LGALS9: variants seen among roughly 807,000 people sequenced by gnomAD.
LGALS9 encodes galectin 9.
LGALS9 carries 26 observed loss-of-function variants against 35.9 expected under a neutral mutation model. The ratio of observed to expected loss-of-function variants is 0.72; its 90% CI spans 0.53 to 1.01. The LOEUF (loss-of-function observed/expected upper bound fraction) is 1.01. Ranked by LOEUF, LGALS9 falls within the 50% of genes least tolerant of loss-of-function variation. LGALS9 has a pLI of 0.00. For synonymous variants in LGALS9, 149 were observed against 172.2 expected (o/e 0.87, Z 1.06); for missense variants, 347 against 445.8 (o/e 0.78, Z 1.99).
At chr17:27,647,485 AGG>A (rs1905040981) in intron 10 of LGALS9, 53 bp downstream of exon 10, 1 of 1,604,052 alleles carries the variant, frequency 6.2e-7, no homozygotes, top group Admixed American at 1.7e-5. Flanking sequence ...GCACAGGGGG[AGG>A]GGGTAAAGGA....
rs1028140472 is a variant in LGALS9 at position 27,647,409 on chromosome 17, T to G, written c.898T>G (p.Phe300Val). The change falls in exon 10 of 11, where the codon TTC (phenylalanine) becomes GTC (valine). Residue 300 changes from phenylalanine to valine, a missense_variant. By Grantham distance (50) the Phe-to-Val change is conservative (BLOSUM62 -1). Coordinates refer to ENST00000395473, the MANE Select transcript of LGALS9 (RefSeq NM_009587.3). ...EERSLPRKMP[F>V]VRGQSFSVWI... The stretch of plus-strand genomic sequence containing the variant: ...GCGAAGTCTGCCCCGAAAAATGCCC[T>G]TCGTCCGTGGCCAGAGCTTCTCAGT... The G allele has an allele frequency of 6.2e-7, 1 of 1,613,980 alleles. No individual in the cohort carries two copies. The highest frequency in any genetic ancestry group is 8.5e-7 in the Non-Finnish European group (1 of 1,180,038).
At chr17:27,641,278 A>G (rs1202211315) in intron 3 of LGALS9, among the ~76,000 whole-genome samples, 1 of 152,184 alleles carries the variant, frequency 6.6e-6, no homozygotes, top group African/African-American at 2.4e-5. Flanking sequence ...CCATTCGTTC[A>G]GTATGCAACC....
At chr17:27,645,079 C>G (rs1239335333) in intron 5 of LGALS9, 1 of 702,896 alleles carries the variant, frequency 1.4e-6, no homozygotes, top group Non-Finnish European at 2.4e-6. Flanking sequence ...AGTCTCCTCT[C>G]TCTCGAGAGG....
intron 1 of LGALS9, among the ~76,000 whole-genome samples, chr17:27,632,878 G>A (rs983461404): frequency 5.3e-5 from 8 of 152,198 alleles, no homozygotes; most frequent in African/African-American, 1.2e-4. Flanking sequence ...TCTGGCAGTC[G>A]GAGCCACGCT....
In LGALS9 at chr17:27,649,080, G is replaced by C; in HGVS notation, c.*98G>C. The C allele has an allele frequency of 1.9e-6, 3 of 1,572,052 alleles. No individual in the cohort carries two copies. In the South Asian group the frequency reaches 3.5e-5, roughly 18 times the overall value. On this transcript the variant is annotated 3_prime_UTR_variant, in exon 11 of 11. Transcript: ENST00000395473. ...AGGCCCAGCCTTTCCAACCCTGCCTGGGATCTGGGCTTTAATGCAGAGGCC... is the reference window on the plus strand; with the variant it reads ...AGGCCCAGCCTTTCCAACCCTGCCTCGGATCTGGGCTTTAATGCAGAGGCC...
chr17:27,649,374 C>T lies in LGALS9; in HGVS notation c.*392C>T. ...CTGGTGGGAGGTGGCCTCCTCAGCC[C>T]CTCCTCTCTGACCTTTAACCTCACT... is the stretch of plus-strand genomic sequence containing the variant. On this transcript the variant is annotated 3_prime_UTR_variant, in exon 11 of 11. Transcript: ENST00000395473. 3.0e-6 allele frequency: 1 copy of T among 333,122 alleles called. No homozygotes were observed. The highest frequency in any genetic ancestry group is 5.8e-6 in the Non-Finnish European group (1 of 171,104). 20.6% of individuals were successfully genotyped at this position (333,122 alleles called of 1,614,324 possible).
intron 4 of LGALS9, among the ~76,000 whole-genome samples, chr17:27,642,714 C>A (rs1904613241): frequency 1.3e-5 from 2 of 152,096 alleles, no homozygotes; most frequent in African/African-American, 4.8e-5. Flanking sequence ...TCTGTGGGAT[C>A]TTAGACAAGC....
At chr17:27,645,027 G>A (rs1371052110) in intron 5 of LGALS9, 13 of 508,868 alleles carry the variant, frequency 2.6e-5, no homozygotes, top group South Asian at 1.7e-4. Context: ...AATGCTCTTC[G>A]CTGTGGGAGC....
intron 4 of LGALS9, 101 bp downstream of exon 4, chr17:27,642,449 C>T: frequency 6.5e-7 from 1 of 1,535,254 alleles, no homozygotes; most frequent in Non-Finnish European, 8.8e-7. Flanking sequence ...ATCTCCTACC[C>T]AGGTCACTCT....
intron 2 of LGALS9, among the ~76,000 whole-genome samples, chr17:27,640,192 C>T (rs1421899728): frequency 1.3e-5 from 2 of 152,216 alleles, no homozygotes; most frequent in African/African-American, 4.8e-5. Flanking sequence ...TTTAATCAGG[C>T]ATGTGCTGGC....
rs770727270 is a variant in LGALS9, at chr17:27,640,653, C to G, written c.213C>G (p.Tyr71Ter). ...HFNPRFEDGG[Y>*]VVCNTRQNGS... Reference sequence around the variant, plus strand: ...ACCCTCGGTTTGAAGATGGAGGGTACGTGGTGTGCAACACGAGGCAGAACG... The same window carrying G: ...ACCCTCGGTTTGAAGATGGAGGGTAGGTGGTGTGCAACACGAGGCAGAACG... Residue 71 changes from tyrosine (Y) to a stop codon, truncating the protein, a stop_gained, in exon 3 of 11, where the codon TAC becomes TAG. Transcript: ENST00000395473. LOFTEE classifies it high-confidence loss of function. The G allele has an allele frequency of 8.1e-6, 13 of 1,614,060 alleles. No homozygotes were observed. The African/African-American group carries it at 1.5e-4, about 18-fold the overall frequency.
At chr17:27,635,396 A>G (rs2151289429) in intron 1 of LGALS9, among the ~76,000 whole-genome samples, 1 of 152,006 alleles carries the variant, frequency 6.6e-6, no homozygotes, top group African/African-American at 2.4e-5. Context: ...CCATGATCAC[A>G]GCCCTCACTG....
At chr17:27,637,688 A>G (rs1260436915) in intron 1 of LGALS9, among the ~76,000 whole-genome samples, 3 of 152,228 alleles carry the variant, frequency 2.0e-5, no homozygotes, top group Non-Finnish European at 4.4e-5. Flanking sequence ...CAGGAGGGCA[A>G]AGGTCACAGT....
At position 27,649,009 on chromosome 17, in the gene LGALS9, G is replaced by A. The variant is rs370734750; in HGVS notation, c.*27G>A. ...CGGCTTCCTGGCCCTGGGGCCGGGGGCTGGGGTGTGGGGCAGTCTGGGTCC... is the reference window on the plus strand; with the variant it reads ...CGGCTTCCTGGCCCTGGGGCCGGGGACTGGGGTGTGGGGCAGTCTGGGTCC... On this transcript the variant is annotated 3_prime_UTR_variant, in exon 11 of 11. Transcript: ENST00000395473. 6 of 1,613,596 alleles carry A rather than the reference G, an allele frequency of 3.7e-6. No homozygotes were observed. In the African/African-American group the frequency reaches 6.7e-5, roughly 18 times the overall value.
intron 1 of LGALS9, among the ~76,000 whole-genome samples, chr17:27,632,174 C>T (rs1047513844): frequency 4.0e-5 from 6 of 150,728 alleles, no homozygotes; most frequent in East Asian, 4.0e-4. Flanking sequence ...TGTCCTGGGC[C>T]GGCTCCTGTC....
chr17:27,646,133 T>C (rs1017127742), intron 7 of LGALS9, among the ~76,000 whole-genome samples: 49 of 152,062 alleles, frequency 3.2e-4, no homozygotes, highest in Admixed American at 8.5e-4. Context: ...AAGAGACAAG[T>C]CCCCTAGAGA....
intron 3 of LGALS9, 191 bp downstream of exon 3, chr17:27,640,964 G>C: frequency 1.1e-6 from 1 of 883,234 alleles, no homozygotes. Flanking sequence ...TGAATCTACA[G>C]GTGCACCTGC....
intron 4 of LGALS9, 93 bp downstream of exon 4, chr17:27,642,441 C>T: frequency 6.4e-7 from 1 of 1,567,062 alleles, no homozygotes; most frequent in Non-Finnish European, 8.6e-7. Context: ...CCAAGCCAAT[C>T]TCCTACCCAG....
At position 27,647,265 on chromosome 17, in the gene LGALS9, C is replaced by G; in HGVS notation, c.759-5C>G. 6.2e-7 allele frequency: 1 copy of G among 1,613,768 alleles called. No homozygotes were observed. Among genetic ancestry groups the G allele is most frequent in the Non-Finnish European group, 8.5e-7 (1 of 1,180,036 alleles). On this transcript the variant is annotated splice_region_variant and splice_polypyrimidine_tract_variant and intron_variant, in intron 9 of 10. Coordinates refer to ENST00000395473, the MANE Select transcript of LGALS9 (RefSeq NM_009587.3). ...ATAAAGGTTCAGGTGGGCTGCCCAC[C>G]CCAGGTTCCACATCAACCTGTGCTC... is the stretch of plus-strand genomic sequence containing the variant.
Sources: gnomAD v4.1 joint callset for allele counts (sites outside exome capture counted in the v4.1 genomes callset) on GRCh38, gnomAD v4.1.1 for gene constraint, MANE v1.5 for transcripts, NCBI Gene and HGNC (gene_info 2026-07-23, HGNC 2026-07-21) for gene names.